The following NFIA variants were observed in gnomAD, a reference collection of about 807,000 sequenced individuals.
NFIA encodes the protein nuclear factor 1 A-type.
NFIA carries 8 observed loss-of-function variants against 62.8 expected under a neutral mutation model. That is an observed-to-expected ratio of 0.13 (90% CI 0.07 to 0.23). The LOEUF (loss-of-function observed/expected upper bound fraction) is 0.23. NFIA is among the 10% of genes least tolerant of loss of function. The pLI is 1.00. For missense variants in NFIA, 410 were observed against 642.1 expected (o/e 0.64, Z 3.91); for synonymous variants, 235 against 238.1 (o/e 0.99, Z 0.12).
rs558068527 is a variant in NFIA, at chr1:61,412,409, A to G, written c.1420+5682A>G. On this transcript the variant is annotated intron_variant, in intron 9 of 10. Transcript: ENST00000403491. ...TAATGACCTGCACCAACGTGGGAGC[A>G]ATAGGGGTGATGAGAAGTAAGCGGG... 3.0e-4 allele frequency among the ~76,000 whole-genome samples: 45 copies of G among 152,320 alleles called. No individual in the cohort carries two copies. In the South Asian group the frequency reaches 8.7e-3, roughly 30 times the overall value.
intron 2 of NFIA, among the ~76,000 whole-genome samples, chr1:61,155,249 A>T (rs1648708239): frequency 6.6e-6 from 1 of 152,224 alleles, no homozygotes; most frequent in African/African-American, 2.4e-5. Context: ...GTAAAGGTAT[A>T]CTTTCTTAAG....
At chr1:61,255,172 C>A (rs1656302160) in intron 2 of NFIA, among the ~76,000 whole-genome samples, 1 of 152,216 alleles carries the variant, frequency 6.6e-6, no homozygotes, top group Middle Eastern at 3.4e-3. Context: ...AAAGAAAAAG[C>A]ACACACAAAA....
intron 4 of NFIA, among the ~76,000 whole-genome samples, chr1:61,338,120 A>G (rs921589566): frequency 6.6e-6 from 1 of 152,184 alleles, no homozygotes; most frequent in African/African-American, 2.4e-5. Context: ...GTGGCTAAGG[A>G]TGACTTCATG....
chr1:61,246,796 C>T (rs1655676843), intron 2 of NFIA, among the ~76,000 whole-genome samples: 1 of 152,138 alleles, frequency 6.6e-6, no homozygotes, highest in African/African-American at 2.4e-5. Context: ...CTGCTGGGCT[C>T]CTGATGTGAA....
At position 61,277,536 on chromosome 1, in the gene NFIA, A is replaced by G. The variant is rs757550647; in HGVS notation, c.576A>G (p.Glu192=). The change falls in exon 3 of 11, where the codon GAA becomes GAG. Residue 192 remains glutamate, a synonymous_variant. Coordinates refer to ENST00000403491, the MANE Select transcript of NFIA (RefSeq NM_001134673.4). ...GTTTTTCAGATTCAAGTCAATCTGA[A>G]AGTCCCAGCCAGCCAAGTGACGCTG... ...FVHAADSSQS[E]SPSQPSDADI... The G allele has an allele frequency of 8.1e-6, 13 of 1,613,740 alleles. No individual in the cohort carries two copies. In the African/African-American group the frequency reaches 1.7e-4, roughly 22 times the overall value.
At chr1:61,416,313 A>G (rs1301288256) in intron 9 of NFIA, among the ~76,000 whole-genome samples, 1 of 152,222 alleles carries the variant, frequency 6.6e-6, no homozygotes. Flanking sequence ...AAATGATGAC[A>G]GTGATCAAAA....
At chr1:61,334,696 G>T (rs1324043094) in intron 4 of NFIA, among the ~76,000 whole-genome samples, 1 of 150,428 alleles carries the variant, frequency 6.6e-6, no homozygotes, top group Non-Finnish European at 1.5e-5. Context: ...TAGCCTTAAA[G>T]AGTGAAATGA....
intron 3 of NFIA, among the ~76,000 whole-genome samples, chr1:61,289,297 G>A (rs958194238): frequency 2.9e-4 from 44 of 152,162 alleles, no homozygotes; most frequent in African/African-American, 1.0e-3. Flanking sequence ...TGGTCAGGGT[G>A]GACCATTTTT....
At chr1:61,380,604 C>G (rs1664366662) in intron 6 of NFIA, among the ~76,000 whole-genome samples, 1 of 151,994 alleles carries the variant, frequency 6.6e-6, no homozygotes, top group Non-Finnish European at 1.5e-5. Context: ...ATATACAAAA[C>G]AAATTAACCA....
At chr1:61,095,215 G>C (rs1314495774) in intron 2 of NFIA, among the ~76,000 whole-genome samples, 1 of 152,348 alleles carries the variant, frequency 6.6e-6, no homozygotes, top group African/African-American at 2.4e-5. Flanking sequence ...GAGAAAAGGA[G>C]ATGGAAGGAA....
intron 6 of NFIA, among the ~76,000 whole-genome samples, chr1:61,365,762 T>C (rs1663552793): frequency 6.6e-6 from 1 of 152,192 alleles, no homozygotes; most frequent in African/African-American, 2.4e-5. Context: ...GTGGGAACTG[T>C]TCCTTCTGCT....
chr1:61,159,607 A>C (rs1649040453), intron 2 of NFIA, among the ~76,000 whole-genome samples: 3 of 152,030 alleles, frequency 2.0e-5, no homozygotes, highest in Non-Finnish European at 4.4e-5. Flanking sequence ...CTAATCTATA[A>C]AATTGGGATA....
intron 2 of NFIA, among the ~76,000 whole-genome samples, chr1:61,175,314 G>A (rs1374572905): frequency 2.0e-5 from 3 of 151,910 alleles, no homozygotes; most frequent in African/African-American, 7.3e-5. Context: ...TCTAATTTTT[G>A]TATTTTTTGT....
At chr1:61,082,247 G>C, upstream of NFIA, 1 of 504,064 alleles carries the variant, frequency 2.0e-6, no homozygotes, top group Non-Finnish European at 3.3e-6. Context: ...GCAAGCGAGC[G>C]AGCAAGGAGC....
intron 2 of NFIA, among the ~76,000 whole-genome samples, chr1:61,220,353 G>A (rs1239875208): frequency 1.3e-5 from 2 of 152,152 alleles, no homozygotes; most frequent in East Asian, 3.9e-4. Flanking sequence ...TTGTGGGTTT[G>A]TGGGCTAGTC....
chr1:61,432,887 G>A (rs1275814897), intron 10 of NFIA, among the ~76,000 whole-genome samples: 1 of 152,076 alleles, frequency 6.6e-6, no homozygotes, highest in African/African-American at 2.4e-5. Flanking sequence ...TAGGTTCTGT[G>A]CCTACACTCG....
intron 5 of NFIA, among the ~76,000 whole-genome samples, chr1:61,356,562 A>T (rs1662964494): frequency 6.6e-6 from 1 of 152,242 alleles, no homozygotes; most frequent in African/African-American, 2.4e-5. Flanking sequence ...TTGTTCAAAG[A>T]GACCATATTT....
At chr1:61,365,824 T>G (rs1663556112) in intron 6 of NFIA, among the ~76,000 whole-genome samples, 1 of 152,152 alleles carries the variant, frequency 6.6e-6, no homozygotes, top group Non-Finnish European at 1.5e-5. Context: ...CCAAAGTCCT[T>G]TGTGAAAATT....
At chr1:61,426,635 A>T in intron 10 of NFIA, 79 bp downstream of exon 10, 2 of 1,084,492 alleles carry the variant, frequency 1.8e-6, no homozygotes, top group Non-Finnish European at 2.8e-6. Context: ...CTTTTGCACA[A>T]AAGGCCACAT....
Sources: gnomAD v4.1 joint callset for allele counts (sites outside exome capture counted in the v4.1 genomes callset) on GRCh38, gnomAD v4.1.1 for gene constraint, MANE v1.5 for transcripts, NCBI Gene and HGNC (gene_info 2026-07-23, HGNC 2026-07-21) for gene names.